The following AGMO variants were observed in gnomAD, a reference collection of about 807,000 sequenced individuals.
AGMO encodes the protein glyceryl-ether monooxygenase.
Under a neutral mutation model 60.2 loss-of-function variants are expected in AGMO, and 75 were observed. The observed-to-expected ratio is 1.25, with a 90% CI of 1.03 to 1.51. The LOEUF (loss-of-function observed/expected upper bound fraction) is 1.51, where lower values mean the gene tolerates loss of function less well. Among genes scored for constraint, AGMO ranks in the 40% most tolerant of loss-of-function variants. The probability of loss-of-function intolerance (pLI) is 0.00; values close to 1 mark genes in which losing one functional copy is unlikely to be tolerated. For missense variants in AGMO, 763 were observed against 525.5 expected (o/e 1.45, Z -4.42); for synonymous variants, 261 against 177.1 (o/e 1.47, Z -3.76).
rs977452511 is a variant in AGMO at position 15,375,927 on chromosome 7, T to C, written c.1074+9519A>G. Among the ~76,000 whole-genome samples, 6 of 152,262 alleles carry C rather than the reference T, an allele frequency of 3.9e-5. No individual in the cohort carries two copies. In the South Asian group the frequency reaches 8.3e-4, roughly 21 times the overall value. On this transcript the variant is annotated intron_variant, in intron 10 of 12. Coordinates refer to ENST00000342526, the MANE Select transcript of AGMO (RefSeq NM_001004320.2). ...GAAAACACTTATAGTGATATGAAGA[T>C]ATATTTAATTTCAAAGTTAACATTC...
At chr7:15,390,543 T>C (rs1280924631) in intron 8 of AGMO, 128 bp downstream of exon 8, 4 of 569,086 alleles carry the variant, frequency 7.0e-6, no homozygotes, top group Non-Finnish European at 8.9e-6. Flanking sequence ...TTTGTAAATT[T>C]TTTAACAGTT....
chr7:15,161,484 T>C, the AGMO span, among the ~76,000 whole-genome samples: 1 of 151,200 alleles, frequency 6.6e-6, no homozygotes, highest in Admixed American at 6.6e-5. Context: ...AAGTATATGC[T>C]TGTATAAATA....
At chr7:15,560,434 A>G (rs1785273852) in intron 1 of AGMO, among the ~76,000 whole-genome samples, 163 bp from the exon 2 acceptor site, 1 of 152,164 alleles carries the variant, frequency 6.6e-6, no homozygotes, top group African/African-American at 2.4e-5. Context: ...AGTGGTAAAG[A>G]AGTCTAATTA....
At chr7:15,385,623 C>T in intron 9 of AGMO, 61 bp from the exon 10 acceptor site, 1 of 924,558 alleles carries the variant, frequency 1.1e-6, no homozygotes, top group Non-Finnish European at 1.7e-6. Flanking sequence ...TACTGAAATT[C>T]ACACTAAGAG....
At chr7:15,358,947 T>TC (rs1374165024) in intron 12 of AGMO, among the ~76,000 whole-genome samples, 11 of 152,212 alleles carry the variant, frequency 7.2e-5, no homozygotes, top group African/African-American at 2.4e-4. Flanking sequence ...AAGATAAATA[T>TC]CCCCATATTA....
chr7:15,368,610 A>ATTT (rs1431726274), intron 10 of AGMO, among the ~76,000 whole-genome samples: 1 of 152,146 alleles, frequency 6.6e-6, no homozygotes, highest in Admixed American at 6.6e-5. Context: ...AATACTTAAA[A>ATTT]GAGTGTTTGG....
chr7:15,398,025 T>G (rs979357537), intron 5 of AGMO, among the ~76,000 whole-genome samples: 7 of 152,180 alleles, frequency 4.6e-5, no homozygotes, highest in Non-Finnish European at 7.3e-5. Context: ...GATGCTTTGG[T>G]TGGGCTTTGT....
chr7:15,239,012 C>A (rs1286093895), intron 12 of AGMO, among the ~76,000 whole-genome samples: 1 of 152,084 alleles, frequency 6.6e-6, no homozygotes, highest in Admixed American at 6.5e-5. Flanking sequence ...AACAGAAGCA[C>A]AGAAAGAATA....
chr7:15,283,880 C>T (rs557813308), intron 12 of AGMO, among the ~76,000 whole-genome samples: 1 of 151,916 alleles, frequency 6.6e-6, no homozygotes, highest in African/African-American at 2.4e-5. Context: ...ATATCAAGTA[C>T]CTTCTCAGAC....
intron 12 of AGMO, among the ~76,000 whole-genome samples, chr7:15,357,264 T>C (rs566767587): frequency 6.6e-6 from 1 of 150,950 alleles, no homozygotes; most frequent in South Asian, 2.1e-4. Flanking sequence ...TATAGCAGAC[T>C]AGCATACTTA....
intron 12 of AGMO, among the ~76,000 whole-genome samples, chr7:15,210,710 C>G (rs1781565193): frequency 6.6e-6 from 1 of 151,896 alleles, no homozygotes; most frequent in African/African-American, 2.4e-5. Context: ...TTATTTTTAT[C>G]CCAATAATTC....
intron 12 of AGMO, among the ~76,000 whole-genome samples, chr7:15,292,647 C>A (rs192697102): frequency 2.3e-3 from 332 of 142,524 alleles, no homozygotes; most frequent in Middle Eastern, 0.019. Context: ...CTCCTACGGA[C>A]AAAATAAAAA....
intron 12 of AGMO, among the ~76,000 whole-genome samples, chr7:15,212,312 G>T (rs1415128815): frequency 6.7e-6 from 1 of 150,100 alleles, no homozygotes; most frequent in Non-Finnish European, 1.5e-5. Flanking sequence ...CTACTTCAAA[G>T]GTGAATGGTT....
chr7:15,507,323 A>G (rs976132455), intron 3 of AGMO, among the ~76,000 whole-genome samples: 3 of 152,128 alleles, frequency 2.0e-5, no homozygotes, highest in African/African-American at 7.2e-5. Context: ...AAAGGAATGC[A>G]CAACAGTATG....
intron 10 of AGMO, among the ~76,000 whole-genome samples, chr7:15,375,407 T>G (rs963849534): frequency 3.6e-5 from 4 of 111,600 alleles, no homozygotes; most frequent in Admixed American, 2.9e-4. Flanking sequence ...TTTTTTTTTT[T>G]TTTTTTGAGA....
At chr7:15,511,413 G>C (rs79355676) in intron 3 of AGMO, among the ~76,000 whole-genome samples, 1,588 of 152,136 alleles carry the variant, frequency 0.01, 31 homozygotes, top group African/African-American at 0.037. Flanking sequence ...AAATGACTTT[G>C]AACAAAACAA....
intron 12 of AGMO, among the ~76,000 whole-genome samples, chr7:15,224,511 T>C (rs1197389358): frequency 6.6e-6 from 1 of 152,002 alleles, no homozygotes; most frequent in Non-Finnish European, 1.5e-5. Context: ...AAACTGGATG[T>C]GCTGGCACCT....
the AGMO span, among the ~76,000 whole-genome samples, chr7:15,188,976 T>C: frequency 0.87 from 132,768 of 152,182 alleles, 58,210 homozygotes; most frequent in East Asian, 1. Context: ...ACTTTTTGAA[T>C]GAAATTTGAG....
chr7:15,352,435 T>C (rs934930855), intron 12 of AGMO, among the ~76,000 whole-genome samples: 5 of 151,400 alleles, frequency 3.3e-5, no homozygotes, highest in Non-Finnish European at 5.9e-5. Context: ...TTCTAATTGA[T>C]TCCAGAAGTA....
Sources: gnomAD v4.1 joint callset for allele counts (sites outside exome capture counted in the v4.1 genomes callset) on GRCh38, gnomAD v4.1.1 for gene constraint, MANE v1.5 for transcripts, NCBI Gene and HGNC (gene_info 2026-07-23, HGNC 2026-07-21) for gene names.